Variants in PLPP4 observed in about 807,000 individuals in gnomAD.
PLPP4 encodes the protein diacylglycerol pyrophosphate like 2.
A neutral mutation model predicts 32.2 loss-of-function variants in PLPP4; 20 were observed. The observed-to-expected ratio is 0.62, with a 90% confidence interval of 0.44 to 0.90. The LOEUF (loss-of-function observed/expected upper bound fraction) is 0.90. PLPP4 is among the 40% of genes least tolerant of loss of function. The probability of loss-of-function intolerance (pLI) is 0.00; values close to 1 mark genes in which losing one functional copy is unlikely to be tolerated. For synonymous variants in PLPP4, 127 were observed against 133.0 expected (o/e 0.95, Z 0.31); for missense variants, 257 against 353.1 (o/e 0.73, Z 2.18).
At chr10:120,536,855 A>T (rs1847053011) in intron 5 of PLPP4, among the ~76,000 whole-genome samples, 1 of 152,160 alleles carries the variant, frequency 6.6e-6, no homozygotes, top group African/African-American at 2.4e-5. Flanking sequence ...ATTAAATAGC[A>T]AAAAGACAAA....
chr10:120,546,806 A>AT (rs1202781556), intron 5 of PLPP4, among the ~76,000 whole-genome samples: 2 of 152,234 alleles, frequency 1.3e-5, no homozygotes, highest in East Asian at 3.9e-4. Context: ...TTGCTTCTCC[A>AT]TATCATCTAT....
intron 6 of PLPP4, chr10:120,581,355 C>T (rs1849501288): frequency 1.0e-6 from 1 of 954,590 alleles, no homozygotes; most frequent in African/African-American, 1.8e-5. Flanking sequence ...TCAGTTGTTG[C>T]CTGAATCATT....
At chr10:120,486,256 ATTTAAG>A (rs56100948) in intron 1 of PLPP4, among the ~76,000 whole-genome samples, 61,146 of 148,924 alleles carry the variant, frequency 0.41, 12,435 homozygotes, top group East Asian at 0.54. Context: ...CTCCCATTTC[ATTTAAG>A]TTTTTTTTTT....
chr10:120,465,138 T>C (rs1848252311), intron 1 of PLPP4, among the ~76,000 whole-genome samples: 1 of 152,258 alleles, frequency 6.6e-6, no homozygotes, highest in African/African-American at 2.4e-5. Flanking sequence ...TTTTCAATGA[T>C]AGCATTTGTA....
chr10:120,585,664 A>C (rs1849717372), intron 6 of PLPP4, among the ~76,000 whole-genome samples: 1 of 152,236 alleles, frequency 6.6e-6, no homozygotes. Flanking sequence ...GAGGCAAAGC[A>C]ACTTGCCCTG....
At chr10:120,497,419 GTATGTGTGTGCACACACAAGTGTGTGTT>G (rs905535714) in intron 1 of PLPP4, among the ~76,000 whole-genome samples, 5 of 152,132 alleles carry the variant, frequency 3.3e-5, no homozygotes, top group South Asian at 2.1e-4. Flanking sequence ...CAGGCAGTGT[GTATGTGTGTGCACACACAAGTGTGTGTT>G]TATGTGTGTG....
chr10:120,491,001 C>G (rs896464383), intron 1 of PLPP4, among the ~76,000 whole-genome samples: 1 of 152,200 alleles, frequency 6.6e-6, no homozygotes, highest in African/African-American at 2.4e-5. Flanking sequence ...CCTATCTCTG[C>G]TCAGGGTTAT....
chr10:120,591,778 G>T lies in PLPP4; in HGVS notation c.*2276G>T, dbSNP rs1265140995. 6.6e-6 allele frequency among the ~76,000 whole-genome samples: 1 copy of T among 152,034 alleles called. No individual in the cohort carries two copies. Among genetic ancestry groups the T allele is most frequent in the African/African-American group, 2.4e-5 (1 of 41,396 alleles). ...TAAATAATTTTATTTAAAGATAAAT[G>T]GCCAGGAAGTACTCTGCAAAGTAAC... On this transcript the variant is annotated 3_prime_UTR_variant, in exon 7 of 7. Transcript: ENST00000398250.
chr10:120,505,160 CA>C (rs1287411815), intron 2 of PLPP4, among the ~76,000 whole-genome samples: 1 of 152,140 alleles, frequency 6.6e-6, no homozygotes, highest in African/African-American at 2.4e-5. Flanking sequence ...AACTGCATTC[CA>C]AGAGAGATGA....
intron 5 of PLPP4, among the ~76,000 whole-genome samples, chr10:120,572,028 AG>A (rs1848965512): frequency 6.6e-6 from 1 of 152,242 alleles, no homozygotes; most frequent in Non-Finnish European, 1.5e-5. Context: ...GCGTGTGGGC[AG>A]GAAGACTGGC....
rs183824506 is a variant in PLPP4 at position 120,579,836 on chromosome 10, G to A, written c.616+4535G>A. 5.3e-5 allele frequency among the ~76,000 whole-genome samples: 8 copies of A among 151,836 alleles called. No individual in the cohort carries two copies. In the East Asian group the frequency reaches 5.8e-4, roughly 11 times the overall value. On this transcript the variant is annotated intron_variant, in intron 6 of 6. Transcript: ENST00000398250. ...GAATGGAGAAGTTGGGGCCGGGCGC[G>A]GTGGCTCATGCCTGTAATCCCAGCA... is the stretch of plus-strand genomic sequence containing the variant.
At chr10:120,583,672 G>T (rs1342726415) in intron 6 of PLPP4, among the ~76,000 whole-genome samples, 1 of 152,164 alleles carries the variant, frequency 6.6e-6, no homozygotes, top group Non-Finnish European at 1.5e-5. Flanking sequence ...TCTGCACATT[G>T]CATATAAATA....
chr10:120,554,613 TA>T (rs1848063847), intron 5 of PLPP4, among the ~76,000 whole-genome samples: 1 of 152,154 alleles, frequency 6.6e-6, no homozygotes, highest in African/African-American at 2.4e-5. Context: ...GGGTACTTTA[TA>T]AAGAAAAGAG....
Position 120,513,969 on chromosome 10 carries a change from C to T in PLPP4, c.224C>T (p.Thr75Ile). The T allele has an allele frequency of 6.2e-7, 1 of 1,614,054 alleles. No individual in the cohort carries two copies. Among genetic ancestry groups the T allele is most frequent in the Admixed American group, 1.7e-5 (1 of 60,020 alleles). The change falls in exon 3 of 7, where the codon ACA becomes ATA. Residue 75 changes from threonine to isoleucine, a missense_variant. Transcript: ENST00000398250. ...VICVVKIIRR[T>I]DKTEIKEAFL... ...TGTGTGGTGAAAATTATCCGGCGAA[C>T]AGACAAGACTGAAATTAAGGAAGCC...
intron 2 of PLPP4, among the ~76,000 whole-genome samples, chr10:120,511,891 G>T (rs561353784): frequency 1.5e-4 from 23 of 152,222 alleles, no homozygotes; most frequent in African/African-American, 5.3e-4. Context: ...AGGAGATAGA[G>T]ACCATCCTGG....
At chr10:120,552,165 G>GTGT (rs1847932096) in intron 5 of PLPP4, among the ~76,000 whole-genome samples, 12 of 138,546 alleles carry the variant, frequency 8.7e-5, no homozygotes, top group Admixed American at 7.3e-5. Context: ...GTGGTGGTGG[G>GTGT]GTGTGTGTGT....
chr10:120,469,793 A>T (rs1352732231), intron 1 of PLPP4, among the ~76,000 whole-genome samples: 1 of 152,234 alleles, frequency 6.6e-6, no homozygotes, highest in East Asian at 1.9e-4. Context: ...CTTAATTTTT[A>T]AACTCATTAT....
At chr10:120,514,118 G>T in intron 3 of PLPP4, 117 bp downstream of exon 3, 1 of 806,206 alleles carries the variant, frequency 1.2e-6, no homozygotes, top group South Asian at 1.4e-5. Context: ...ATTAAGCTGG[G>T]GAGGAACAAG....
chr10:120,462,587 T>A (rs1052646078), intron 1 of PLPP4, among the ~76,000 whole-genome samples: 1 of 152,234 alleles, frequency 6.6e-6, no homozygotes, highest in Non-Finnish European at 1.5e-5. Context: ...GGTCGGTGCC[T>A]CCTGACTCAG....
Sources: allele counts gnomAD v4.1 joint callset (sites outside exome capture counted in the v4.1 genomes callset), GRCh38; gene constraint gnomAD v4.1.1; transcripts MANE v1.5; gene names NCBI Gene and HGNC (gene_info 2026-07-23, HGNC 2026-07-21).